Variants in ART3 observed in about 807,000 individuals in gnomAD.
ART3 encodes ecto-ADP-ribosyltransferase 3.
Under a neutral mutation model 48.5 loss-of-function variants are expected in ART3, and 49 were observed. The observed-to-expected ratio is 1.01, with a 90% CI of 0.80 to 1.28. The LOEUF (loss-of-function observed/expected upper bound fraction) is 1.28, where lower values mean the gene tolerates loss of function less well. Ranked by LOEUF, ART3 falls within the 50% of genes most tolerant of loss-of-function variation. The probability of loss-of-function intolerance (pLI) is 0.00; values close to 1 mark genes in which losing one functional copy is unlikely to be tolerated. For missense variants in ART3, 438 were observed against 454.3 expected (o/e 0.96, Z 0.33); for synonymous variants, 145 against 157.2 (o/e 0.92, Z 0.58).
chr4:76,101,976 C>T (rs1727420769), intron 8 of ART3, among the ~76,000 whole-genome samples: 1 of 152,146 alleles, frequency 6.6e-6, no homozygotes, highest in African/African-American at 2.4e-5. Context: ...AAATGCCTAT[C>T]ACAGTGTTAT....
intron 1 of ART3, chr4:76,035,894 C>T (rs1460107279): frequency 1.9e-6 from 3 of 1,588,718 alleles, no homozygotes; most frequent in South Asian, 1.1e-5. Flanking sequence ...AGAAAAGGAA[C>T]TTATAGGTTG....
At chr4:76,022,671 T>C in intron 1 of ART3, 1 of 1,611,702 alleles carries the variant, frequency 6.2e-7, no homozygotes, top group Non-Finnish European at 8.5e-7. Context: ...GAAGTGATAA[T>C]CAGATGGGAT....
intron 10 of ART3, 86 bp downstream of exon 10, chr4:76,104,715 C>A: frequency 7.0e-7 from 1 of 1,437,392 alleles, no homozygotes; most frequent in Non-Finnish European, 9.5e-7. Context: ...CTTTCTATGC[C>A]TCATAATTGT....
upstream of ART3, among the ~76,000 whole-genome samples, chr4:76,071,876 T>C (rs975164587): frequency 2.6e-5 from 4 of 152,210 alleles, no homozygotes; most frequent in Admixed American, 6.5e-5. Flanking sequence ...TGCCTCAATC[T>C]TCAAATTATA....
rs768099347 is a variant in ART3 at position 76,034,815 on chromosome 4, T to G, written c.-10+23495T>G. On this transcript the variant is annotated intron_variant, in intron 1 of 9. Coordinates refer to the ART3 transcript ENST00000341029. ...TTTTTAAAAATTCTTTCTTTCAACT[T>G]TCTGGAATAAGAAAACAAGAGTTTT... 1 of 1,555,242 alleles carries G rather than the reference T, an allele frequency of 6.4e-7. No individual in the cohort carries two copies. Among genetic ancestry groups the G allele is most frequent in the African/African-American group, 1.4e-5 (1 of 73,466 alleles).
At chr4:76,028,356 T>C (rs980707999) in intron 1 of ART3, among the ~76,000 whole-genome samples, 5 of 152,214 alleles carry the variant, frequency 3.3e-5, no homozygotes, top group Non-Finnish European at 5.9e-5. Context: ...CTGAGTATAA[T>C]TTTGAAAGAA....
chr4:76,030,514 A>G (rs563234511), intron 1 of ART3, among the ~76,000 whole-genome samples: 2 of 152,312 alleles, frequency 1.3e-5, no homozygotes, highest in African/African-American at 4.8e-5. Context: ...CATTTTAACC[A>G]TTTAAAAGAG....
chr4:76,042,271 C>G (rs926342837), intron 1 of ART3, among the ~76,000 whole-genome samples: 10 of 152,142 alleles, frequency 6.6e-5, no homozygotes, highest in Admixed American at 2.0e-4. Flanking sequence ...TTCACCAGGT[C>G]TCTGAATAAT....
intron 1 of ART3, among the ~76,000 whole-genome samples, chr4:76,057,701 G>T (rs1460818859): frequency 1.3e-5 from 2 of 152,152 alleles, no homozygotes; most frequent in Admixed American, 6.5e-5. Flanking sequence ...ACATGGCTGT[G>T]AATTGGTCAC....
chr4:76,031,462 C>T (rs1733865686), intron 1 of ART3, among the ~76,000 whole-genome samples: 1 of 152,060 alleles, frequency 6.6e-6, no homozygotes. Context: ...GATTTTCCTC[C>T]TCCACTCTTT....
intron 1 of ART3, among the ~76,000 whole-genome samples, chr4:76,055,439 A>T (rs1456731883): frequency 1.3e-5 from 2 of 152,232 alleles, no homozygotes; most frequent in Non-Finnish European, 2.9e-5. Flanking sequence ...AGAAGAAGAA[A>T]GTGGGCCTTT....
upstream of ART3, among the ~76,000 whole-genome samples, chr4:76,071,895 T>TTAAG (rs747394575): frequency 2.0e-5 from 3 of 152,284 alleles, no homozygotes; most frequent in East Asian, 3.9e-4. Flanking sequence ...TATCCTGCAT[T>TTAAG]TAAGTCTAAA....
intron 1 of ART3, among the ~76,000 whole-genome samples, chr4:76,051,489 G>A (rs1433341817): frequency 6.6e-6 from 1 of 152,148 alleles, no homozygotes; most frequent in South Asian, 2.1e-4. Context: ...TCATTAAGAC[G>A]TTGAGGAATA....
chr4:76,105,156 A>T (rs1728188567), intron 10 of ART3, among the ~76,000 whole-genome samples: 1 of 152,174 alleles, frequency 6.6e-6, no homozygotes, highest in Non-Finnish European at 1.5e-5. Flanking sequence ...GACACTGATG[A>T]CACACCTTGT....
chr4:76,031,668 TC>T (rs1370337259), intron 1 of ART3, among the ~76,000 whole-genome samples: 1 of 152,226 alleles, frequency 6.6e-6, no homozygotes, highest in Non-Finnish European at 1.5e-5. Context: ...ACTTTATACT[TC>T]CTACTACTGT....
At chr4:76,034,108 C>A in intron 1 of ART3, 1 of 214,060 alleles carries the variant, frequency 4.7e-6, no homozygotes, top group Non-Finnish European at 9.1e-6. Flanking sequence ...TAATTTTTTT[C>A]ATAGTACATT....
At chr4:76,018,318 AACAAATTAAC>A (rs1732447565) in intron 1 of ART3, among the ~76,000 whole-genome samples, 1 of 152,204 alleles carries the variant, frequency 6.6e-6, no homozygotes, top group Non-Finnish European at 1.5e-5. Flanking sequence ...CATTATCCTA[AACAAATTAAC>A]ACAGGAACAG....
Position 76,082,020 on chromosome 4 carries a change from A to G in ART3, c.266A>G (p.Asn89Ser). The G allele has an allele frequency of 6.2e-7, 1 of 1,614,238 alleles. No individual in the cohort carries two copies. Among genetic ancestry groups the G allele is most frequent in the East Asian group, 2.2e-5 (1 of 44,884 alleles). The change falls in exon 3 of 12, where the codon AAT (asparagine) becomes AGT (serine). Residue 89 changes from asparagine (N) to serine (S), a missense_variant. This residue lies in a region of ART3 where 206 missense variants were observed against 205.3 expected (regional missense o/e 1.00). Transcript: ENST00000355810. ...ARKTQIFLPM[N>S]FKDNHGIALM... is the part of the protein sequence containing the mutation. ...AAGACTCAAATCTTTCTCCCTATGA[A>G]TTTTAAGGATAACCATGGAATAGCC...
chr4:76,017,143 A>G (rs147324193), intron 1 of ART3, among the ~76,000 whole-genome samples: 49 of 152,056 alleles, frequency 3.2e-4, no homozygotes, highest in Non-Finnish European at 6.6e-4. Flanking sequence ...AAGCAGAAGG[A>G]ATCTCTCACT....
Sources: allele counts gnomAD v4.1 joint callset (sites outside exome capture counted in the v4.1 genomes callset), GRCh38; gene constraint gnomAD v4.1.1; regional missense constraint gnomAD v4.1.1; transcripts MANE v1.5; gene names NCBI Gene and HGNC (gene_info 2026-07-23, HGNC 2026-07-21).